TCF7: variants seen among roughly 807,000 people sequenced by gnomAD.
The protein encoded by TCF7 is transcription factor 7, also known as T-cell-factor-7.
TCF7 carries 19 observed loss-of-function variants against 46.8 expected under a neutral mutation model. The ratio of observed to expected loss-of-function variants is 0.41; its 90% CI spans 0.28 to 0.60. The LOEUF is 0.60. TCF7 is among the 20% of genes least tolerant of loss of function. The pLI is 0.35. For synonymous variants in TCF7, 245 were observed against 213.4 expected, an observed-to-expected ratio of 1.15 and a Z score of -1.29; for missense variants, 547 against 504.6, an observed-to-expected ratio of 1.08 and a Z score of -0.81.
At chr5:134,113,999 G>T (rs1755454836), upstream of TCF7, among the ~76,000 whole-genome samples, 1 of 152,222 alleles carries the variant, frequency 6.6e-6, no homozygotes, top group Non-Finnish European at 1.5e-5. Flanking sequence ...TTGGAGGATC[G>T]GCTGAGGTCC....
intron 3 of TCF7, among the ~76,000 whole-genome samples, chr5:134,132,749 TG>T (rs888441927): frequency 2.5e-5 from 2 of 78,452 alleles, no homozygotes; most frequent in African/African-American, 9.8e-5. Flanking sequence ...GGGTGCGGGT[TG>T]GGGGGGTGGT....
upstream of TCF7, among the ~76,000 whole-genome samples, chr5:134,110,685 C>T (rs935049548): frequency 1.3e-5 from 2 of 152,196 alleles, no homozygotes; most frequent in Non-Finnish European, 2.9e-5. Flanking sequence ...GGATGCCAGG[C>T]GGGCTGGTGA....
intron 9 of TCF7, chr5:134,145,340 G>T: frequency 1.8e-6 from 1 of 542,700 alleles, no homozygotes; most frequent in Non-Finnish European, 3.6e-6. Flanking sequence ...CTGGTTGCCA[G>T]GTAGCCTTAT....
intron 3 of TCF7, among the ~76,000 whole-genome samples, chr5:134,126,238 G>A (rs1026534480): frequency 3.9e-5 from 6 of 152,186 alleles, no homozygotes; most frequent in African/African-American, 7.2e-5. Context: ...GCTGGCCACC[G>A]AGTGCGTGCC....
At chr5:134,131,360 TACTC>T (rs1758101041) in intron 3 of TCF7, among the ~76,000 whole-genome samples, 7 of 152,366 alleles carry the variant, frequency 4.6e-5, no homozygotes, top group African/African-American at 1.7e-4. Context: ...GCATTTATGT[TACTC>T]AGTGTCACCT....
Position 134,145,659 on chromosome 5 carries a change from T to C in TCF7, c.1076-565T>C, listed in dbSNP as rs1760584523. 3 of 1,438,080 alleles carry C rather than the reference T, an allele frequency of 2.1e-6. No homozygotes were observed. The African/African-American group carries it at 4.2e-5, about 20-fold the overall frequency. The allele number at this position is 1,438,080 out of a possible 1,614,324, so 89.1% of individuals were successfully genotyped here. A position where few individuals can be genotyped will look rare whatever the true frequency, so the allele number is the denominator to read the frequency against. Reference sequence around the variant, plus strand: ...TCCAAGGGCAAGGAGGAGTTTGGGGTGTGTCTGTGTATCCACATACATATG... The same window carrying C: ...TCCAAGGGCAAGGAGGAGTTTGGGGCGTGTCTGTGTATCCACATACATATG... On this transcript the variant is annotated intron_variant, in intron 9 of 9. Coordinates refer to ENST00000342854, the MANE Select transcript of TCF7 (RefSeq NM_003202.5).
intron 3 of TCF7, among the ~76,000 whole-genome samples, chr5:134,137,293 G>A (rs993404649): frequency 7.2e-5 from 11 of 152,018 alleles, no homozygotes. Flanking sequence ...GTGTGGTGGC[G>A]GGTGCCTGTA....
intron 3 of TCF7, among the ~76,000 whole-genome samples, chr5:134,127,620 G>A (rs935606143): frequency 1.3e-5 from 2 of 152,192 alleles, no homozygotes; most frequent in Admixed American, 6.5e-5. Flanking sequence ...GTATGGGTGC[G>A]CCCGCCCACC....
intron 3 of TCF7, among the ~76,000 whole-genome samples, chr5:134,120,443 C>T (rs985309939): frequency 1.1e-4 from 17 of 152,330 alleles, no homozygotes; most frequent in East Asian, 7.7e-4. Flanking sequence ...TCATCACAGC[C>T]GAGTGCCTGG....
intron 3 of TCF7, among the ~76,000 whole-genome samples, chr5:134,132,720 G>C (rs1212594459): frequency 1.4e-5 from 2 of 143,226 alleles, no homozygotes; most frequent in Non-Finnish European, 3.1e-5. Flanking sequence ...TTTTTCACCT[G>C]AGCCTGCAGG....
At chr5:134,146,175 A>T (rs1561706533) in intron 9 of TCF7, 49 bp from the exon 10 acceptor site, 4 of 1,614,086 alleles carry the variant, frequency 2.5e-6, no homozygotes, top group Middle Eastern at 1.7e-4. Context: ...GTGGTGTATG[A>T]CTATGAATTC....
upstream of TCF7, among the ~76,000 whole-genome samples, chr5:134,111,609 T>C (rs989629452): frequency 2.6e-5 from 4 of 152,144 alleles, no homozygotes; most frequent in Non-Finnish European, 5.9e-5. Context: ...AGCAAAGGTC[T>C]TGGGCCCCCT....
At chr5:134,116,095 G>C (rs763260542) in intron 3 of TCF7, 62 bp downstream of exon 3, 3 of 1,543,554 alleles carry the variant, frequency 1.9e-6, no homozygotes, top group Non-Finnish European at 2.6e-6. Context: ...AGGTAGGTGA[G>C]GCACCGGCAA....
intron 8 of TCF7, 74 bp downstream of exon 8, chr5:134,143,174 A>C: frequency 2.6e-4 from 380 of 1,442,772 alleles, no homozygotes; most frequent in Middle Eastern, 4.4e-4. Flanking sequence ...CCACAATCTC[A>C]GTAAGGAACG....
upstream of TCF7, among the ~76,000 whole-genome samples, chr5:134,109,770 CA>C (rs59510685): frequency 0.064 from 8,857 of 137,546 alleles, 189 homozygotes; most frequent in Admixed American, 0.11. Flanking sequence ...GGCTCCATCT[CA>C]AAAAAAAAAA....
At chr5:134,132,631 C>T (rs1400983223) in intron 3 of TCF7, among the ~76,000 whole-genome samples, 1 of 152,020 alleles carries the variant, frequency 6.6e-6, no homozygotes, top group Non-Finnish European at 1.5e-5. Flanking sequence ...TCTCTGCTGG[C>T]GGTGGCAAGG....
chr5:134,138,939 T>C lies in TCF7; in HGVS notation c.548-12T>C. On this transcript the variant is annotated splice_polypyrimidine_tract_variant and intron_variant, in intron 4 of 9. Coordinates refer to ENST00000342854, the MANE Select transcript of TCF7 (RefSeq NM_003202.5). The stretch of plus-strand genomic sequence containing the variant: ...CAGGCTAGCCCACTCACTCAGCTTC[T>C]CTCCTCTGCAGTTCACAGGCCTCTG... 1.2e-6 allele frequency: 2 copies of C among 1,613,602 alleles called. No homozygotes were observed. Among genetic ancestry groups the C allele is most frequent in the Non-Finnish European group, 1.7e-6 (2 of 1,179,930 alleles).
chr5:134,127,715 C>T (rs530168454), intron 3 of TCF7, among the ~76,000 whole-genome samples: 9 of 152,222 alleles, frequency 5.9e-5, no homozygotes, highest in Admixed American at 5.2e-4. Context: ...CTTCTTCTCT[C>T]GCTGCCCCGC....
chr5:134,117,909 G>T (rs1023811187), intron 3 of TCF7, among the ~76,000 whole-genome samples: 1 of 152,228 alleles, frequency 6.6e-6, no homozygotes, highest in South Asian at 2.1e-4. Flanking sequence ...CTGGCTCTCT[G>T]TGCCCTGGCC....
Sources: gnomAD v4.1 joint callset for allele counts (sites outside exome capture counted in the v4.1 genomes callset) on GRCh38, gnomAD v4.1.1 for gene constraint, MANE v1.5 for transcripts, NCBI Gene and HGNC (gene_info 2026-07-23, HGNC 2026-07-21) for gene names.